NRG2: variants seen among roughly 807,000 people sequenced by gnomAD.
NRG2 encodes neuregulin 2, also known as pro-neuregulin-2, membrane-bound isoform.
In NRG2, 27 loss-of-function variants were observed where a neutral mutation model predicts 73.9. That is an observed-to-expected ratio of 0.37 (90% confidence interval 0.27 to 0.50). The LOEUF (loss-of-function observed/expected upper bound fraction) is 0.50, where lower values mean the gene tolerates loss of function less well. NRG2 is among the 20% of genes least tolerant of loss of function. NRG2 has a pLI of 0.96. For synonymous variants in NRG2, 532 were observed against 541.0 expected, an observed-to-expected ratio of 0.98 and a Z score of 0.23; for missense variants, 1,126 against 1,210.1, an observed-to-expected ratio of 0.93 and a Z score of 1.03.
Position 139,954,758 on chromosome 5 carries a change from C to T in NRG2, c.701-67247G>A, listed in dbSNP as rs1179678101. Among the ~76,000 whole-genome samples the T allele has an allele frequency of 1.3e-5, 2 of 152,158 alleles. No individual in the cohort carries two copies. The highest frequency in any genetic ancestry group is 2.4e-5 in the African/African-American group (1 of 41,426). ...TGTCTCTATCAAATCATTGTTATTCCCCTTTTACATTCCACTCACCTGTGA... is the reference window on the plus strand; with the variant it reads ...TGTCTCTATCAAATCATTGTTATTCTCCTTTTACATTCCACTCACCTGTGA... On this transcript the variant is annotated intron_variant, in intron 1 of 9. Transcript: ENST00000361474. This position sits in a 1 kb window ranked among gnomAD's most constrained non-coding sequence, Gnocchi z 5.0.
intron 1 of NRG2, among the ~76,000 whole-genome samples, chr5:139,986,918 A>G (rs1345000445): frequency 2.6e-5 from 4 of 152,098 alleles, no homozygotes; most frequent in African/African-American, 9.7e-5. Context: ...TGCTTGCTTA[A>G]CCTTTCCAAA....
chr5:140,015,222 T>A (rs1260152618), intron 1 of NRG2, among the ~76,000 whole-genome samples: 1 of 152,204 alleles, frequency 6.6e-6, no homozygotes, highest in African/African-American at 2.4e-5. Flanking sequence ...TTATGTATAT[T>A]ATTGGTCGCT....
Position 139,851,464 on chromosome 5 carries a change from T to C in NRG2, c.1772+140A>G. 2.5e-6 allele frequency: 2 copies of C among 805,344 alleles called. No homozygotes were observed. Among genetic ancestry groups the C allele is most frequent in the South Asian group, 1.8e-5 (1 of 56,918 alleles). The allele number at this position is 805,344 out of a possible 1,614,324, so 49.9% of individuals were successfully genotyped here. A position where few individuals can be genotyped will look rare whatever the true frequency, so the allele number is the denominator to read the frequency against. ...GGCTCTGAGCAGGCCATTTCACCTT[T>C]TCTAGGACCTTGTTTTCCCATATGA... is the stretch of plus-strand genomic sequence containing the variant. On this transcript the variant is annotated intron_variant, in intron 9 of 9. Coordinates refer to ENST00000361474, the MANE Select transcript of NRG2 (RefSeq NM_004883.3). The surrounding 1 kb of genome is among the most constrained non-coding windows in gnomAD (Gnocchi z 4.2).
At chr5:139,977,313 G>C (rs1287630454) in intron 1 of NRG2, among the ~76,000 whole-genome samples, 1 of 152,130 alleles carries the variant, frequency 6.6e-6, no homozygotes, top group African/African-American at 2.4e-5. Context: ...CCTTGCTATA[G>C]AGGGGAATGA....
intron 1 of NRG2, among the ~76,000 whole-genome samples, chr5:140,032,530 T>C (rs1761231722): frequency 6.6e-6 from 1 of 152,230 alleles, no homozygotes; most frequent in Non-Finnish European, 1.5e-5. Context: ...TGATGAATCT[T>C]GAAATGTGTC....
intron 2 of NRG2, among the ~76,000 whole-genome samples, chr5:139,882,080 T>C (rs1017626701): frequency 6.6e-6 from 1 of 152,146 alleles, no homozygotes; most frequent in Non-Finnish European, 1.5e-5. Context: ...CACCTCCTCT[T>C]TTTAGTGCTG....
chr5:139,952,985 A>C (rs1385254565), intron 1 of NRG2, among the ~76,000 whole-genome samples: 1 of 152,208 alleles, frequency 6.6e-6, no homozygotes, highest in Non-Finnish European at 1.5e-5. Context: ...AATCCTGAAC[A>C]TATTACTCTG....
intron 1 of NRG2, among the ~76,000 whole-genome samples, chr5:139,945,748 G>T (rs563879498): frequency 2.7e-4 from 41 of 151,946 alleles, no homozygotes; most frequent in Non-Finnish European, 7.4e-5. Context: ...CCATTAGAAT[G>T]AATAAATGAA....
intron 2 of NRG2, among the ~76,000 whole-genome samples, chr5:139,882,338 C>T (rs1763574451): frequency 6.6e-6 from 1 of 152,154 alleles, no homozygotes; most frequent in African/African-American, 2.4e-5. Context: ...CCCAGGCATC[C>T]TGGCATCCTT....
At chr5:139,951,349 G>T (rs1302951834) in intron 1 of NRG2, among the ~76,000 whole-genome samples, 3 of 152,202 alleles carry the variant, frequency 2.0e-5, no homozygotes, top group Non-Finnish European at 2.9e-5. Flanking sequence ...GCCTTTCATT[G>T]TTCCTGCTCT....
chr5:139,884,018 G>T (rs1328695385), intron 2 of NRG2, among the ~76,000 whole-genome samples: 1 of 152,158 alleles, frequency 6.6e-6, no homozygotes, highest in Non-Finnish European at 1.5e-5. Context: ...CATCCAAAAG[G>T]TCTCATGCCC....
chr5:139,848,709 G>A lies in NRG2; in HGVS notation c.1773-12C>T. The A allele has an allele frequency of 1.4e-6, 2 of 1,475,730 alleles. No individual in the cohort carries two copies. Among genetic ancestry groups the A allele is most frequent in the Middle Eastern group, 1.8e-4 (1 of 5,502 alleles). 91.4% of individuals were successfully genotyped at this position (1,475,730 alleles called of 1,614,324 possible). On this transcript the variant is annotated splice_polypyrimidine_tract_variant and intron_variant, in intron 9 of 9. Coordinates refer to ENST00000361474, the MANE Select transcript of NRG2 (RefSeq NM_004883.3). ...GGGCCGACACGTACCTGCGGGGAGA[G>A]GCAGAGGCATGGGCCAGGGCCAGGC...
At position 139,952,992 on chromosome 5, in the gene NRG2, T is replaced by C. The variant is rs180973252; in HGVS notation, c.701-65481A>G. ...TGCGGCCTAATCCTGAACATATTAC[T>C]CTGGAATATGTGCACTATCAACAAC... On this transcript the variant is annotated intron_variant, in intron 1 of 9. Coordinates refer to ENST00000361474, the MANE Select transcript of NRG2 (RefSeq NM_004883.3). Among the ~76,000 whole-genome samples, 17 of 152,248 alleles carry C rather than the reference T, an allele frequency of 1.1e-4. No individual in the cohort carries two copies. In the East Asian group the frequency reaches 2.5e-3, roughly 22 times the overall value.
chr5:140,039,868 C>T (rs114122435), intron 1 of NRG2, among the ~76,000 whole-genome samples: 2,126 of 152,296 alleles, frequency 0.014, 27 homozygotes, highest in Non-Finnish European at 0.024. Flanking sequence ...TTGCAATGGG[C>T]AAATCTGCTC....
intron 1 of NRG2, among the ~76,000 whole-genome samples, chr5:139,946,294 G>A (rs1020114392): frequency 9.9e-5 from 15 of 151,912 alleles, no homozygotes; most frequent in Admixed American, 6.6e-4. Context: ...TTGAGAATCC[G>A]GAAATAAACT....
chr5:139,981,044 T>A (rs142308752), intron 1 of NRG2, among the ~76,000 whole-genome samples: 1 of 152,248 alleles, frequency 6.6e-6, no homozygotes, highest in African/African-American at 2.4e-5. Context: ...GCATCAACAG[T>A]GGCAGCAGCT....
At chr5:139,939,449 A>G (rs773058813) in intron 1 of NRG2, among the ~76,000 whole-genome samples, 7 of 151,406 alleles carry the variant, frequency 4.6e-5, no homozygotes, top group Non-Finnish European at 1.0e-4. Flanking sequence ...TAATTTTTGT[A>G]TTTTCAGTAG....
At chr5:139,924,645 C>T (rs1036266631) in intron 1 of NRG2, among the ~76,000 whole-genome samples, 1 of 152,206 alleles carries the variant, frequency 6.6e-6, no homozygotes, top group Non-Finnish European at 1.5e-5. Flanking sequence ...TCTGCTCTTG[C>T]TCCCTTTTAA....
chr5:140,026,863 A>T (rs778420723), intron 1 of NRG2, among the ~76,000 whole-genome samples: 2 of 152,196 alleles, frequency 1.3e-5, no homozygotes, highest in African/African-American at 2.4e-5. Flanking sequence ...GGGTATGGCA[A>T]GAAGATATTG....
Sources: allele counts gnomAD v4.1 joint callset (sites outside exome capture counted in the v4.1 genomes callset), GRCh38; gene constraint gnomAD v4.1.1; non-coding constraint Gnocchi (gnomAD v3.1); transcripts MANE v1.5; gene names NCBI Gene and HGNC (gene_info 2026-07-23, HGNC 2026-07-21).